Variants in NUP205 observed in about 807,000 individuals in gnomAD.
NUP205 encodes nucleoporin 205.
Under a neutral mutation model 253.8 loss-of-function variants are expected in NUP205, and 76 were observed. The observed-to-expected ratio is 0.30, with a 90% CI of 0.25 to 0.36. NUP205 has a LOEUF of 0.36. Ranked by LOEUF, NUP205 falls within the 10% of genes least tolerant of loss-of-function variation. The pLI, the probability that NUP205 is intolerant of heterozygous loss-of-function variation, is 1.00. For missense variants in NUP205, 2,162 were observed against 2,425.5 expected, an observed-to-expected ratio of 0.89 and a Z score of 2.28; for synonymous variants, 832 against 850.1, an observed-to-expected ratio of 0.98 and a Z score of 0.37.
At chr7:135,614,980 G>C (rs780812708) in intron 23 of NUP205, among the ~76,000 whole-genome samples, 19 of 152,058 alleles carry the variant, frequency 1.2e-4, no homozygotes, top group Non-Finnish European at 2.5e-4. Flanking sequence ...GAGTAATGGC[G>C]TTAGACCTCT....
intron 1 of NUP205, among the ~76,000 whole-genome samples, chr7:135,566,551 T>C (rs1421486973): frequency 6.6e-6 from 1 of 152,192 alleles, no homozygotes; most frequent in African/African-American, 2.4e-5. Flanking sequence ...GGGAATTGGA[T>C]GATCTGTCTA....
At chr7:135,618,363 T>G in intron 27 of NUP205, 49 bp from the exon 28 acceptor site, 1 of 1,472,004 alleles carries the variant, frequency 6.8e-7, no homozygotes, top group East Asian at 2.3e-5. Flanking sequence ...GACAGATAAC[T>G]GATCTTATTT....
intron 24 of NUP205, among the ~76,000 whole-genome samples, chr7:135,616,327 C>T (rs949374455): frequency 6.6e-6 from 1 of 152,110 alleles, no homozygotes; most frequent in African/African-American, 2.4e-5. Flanking sequence ...CCAGCATGAC[C>T]TAAGCTATTT....
chr7:135,596,917 A>G (rs1444059721), intron 13 of NUP205, among the ~76,000 whole-genome samples: 3 of 150,918 alleles, frequency 2.0e-5, no homozygotes, highest in Admixed American at 6.6e-5. Flanking sequence ...AGATCATGCC[A>G]CTGTACTCCA....
chr7:135,596,319 A>G (rs1793834315), intron 13 of NUP205, among the ~76,000 whole-genome samples: 1 of 152,222 alleles, frequency 6.6e-6, no homozygotes, highest in South Asian at 2.1e-4. Context: ...CTTTGTTAAC[A>G]TAATAATTAA....
intron 1 of NUP205, among the ~76,000 whole-genome samples, chr7:135,558,736 G>GA (rs1192204492): frequency 6.6e-6 from 1 of 152,178 alleles, no homozygotes. Context: ...CAAGGATGCA[G>GA]AAAGTCCTTC....
intron 1 of NUP205, among the ~76,000 whole-genome samples, chr7:135,564,477 C>T (rs1017029218): frequency 6.6e-6 from 1 of 151,758 alleles, no homozygotes; most frequent in Non-Finnish European, 1.5e-5. Context: ...TCTTGAACTC[C>T]TGACCTTGTG....
Position 135,626,329 on chromosome 7 carries a change from C to G in NUP205, c.4761C>G (p.Val1587=). The G allele has an allele frequency of 6.2e-7, 1 of 1,614,106 alleles. No homozygotes were observed. Among genetic ancestry groups the G allele is most frequent in the Non-Finnish European group, 8.5e-7 (1 of 1,180,002 alleles). Residue 1587 remains valine, a synonymous_variant, in exon 33 of 43, where the codon GTC becomes GTG. Coordinates refer to ENST00000285968, the MANE Select transcript of NUP205 (RefSeq NM_015135.3). ...TTGTGAGACTAGCTCAATGCCAAGT[C>G]TATGACATGCGCCCAGAAACGGACC... ...GVIVRLAQCQ[V]YDMRPETDPQ... is the part of the protein sequence containing the mutation.
Position 135,603,124 on chromosome 7 carries a change from T to C in NUP205, c.2702+130T>C, listed in dbSNP as rs1584666028. 1.4e-5 allele frequency: 9 copies of C among 633,262 alleles called. 1 individual carries two copies. The East Asian group carries it at 2.5e-4, about 18-fold the overall frequency. The allele number at this position is 633,262 out of a possible 1,614,324, so 39.2% of individuals were successfully genotyped here. On this transcript the variant is annotated intron_variant, in intron 18 of 42. Coordinates refer to ENST00000285968, the MANE Select transcript of NUP205 (RefSeq NM_015135.3). ...TTGCCTCATTTTACTTTTTTTTTTT[T>C]TTTTTTTTTGAGATGGAGTCTCGCT...
chr7:135,577,771 C>T lies in NUP205; in HGVS notation c.649-25C>T, dbSNP rs761916643. The T allele has an allele frequency of 4.6e-6, 7 of 1,534,504 alleles. No individual in the cohort carries two copies. In the African/African-American group the frequency reaches 9.5e-5, roughly 21 times the overall value. ...CAGGCTTCACTGTAATTTATTTATA[C>T]TGATAGTCATGTTTTTATTTCTAGG... On this transcript the variant is annotated intron_variant, in intron 5 of 42. Transcript: ENST00000285968.
At chr7:135,586,444 AT>A (rs2129490105) in intron 8 of NUP205, among the ~76,000 whole-genome samples, 1 of 152,038 alleles carries the variant, frequency 6.6e-6, no homozygotes, top group South Asian at 2.1e-4. Flanking sequence ...TATTATGTTT[AT>A]TATTTTCTTC....
At chr7:135,570,904 A>G (rs1584639210) in intron 1 of NUP205, among the ~76,000 whole-genome samples, 1 of 125,438 alleles carries the variant, frequency 8.0e-6, no homozygotes, top group African/African-American at 3.0e-5. Context: ...ATATATTTAT[A>G]TATAATATAT....
chr7:135,570,435 A>C (rs996774951), intron 1 of NUP205, among the ~76,000 whole-genome samples: 37 of 151,510 alleles, frequency 2.4e-4, no homozygotes, highest in African/African-American at 8.5e-4. Context: ...GGTTGGTCTC[A>C]AACTCCTGAC....
rs1491577075 is a variant in NUP205 at position 135,570,871 on chromosome 7, A to ATATATGTAATATATTATATATTATATATT, written c.29-228_29-200dup. Among the ~76,000 whole-genome samples the ATATATGTAATATATTATATATTATATATT allele has an allele frequency of 0.086, 8,783 of 102,606 alleles. 1,222 individuals carry two copies. The highest frequency in any genetic ancestry group is 0.16 in the East Asian group (657 of 4,060). The allele number at this position is 102,606 out of a possible 152,430, so 67.3% of individuals were successfully genotyped here. A position where few individuals can be genotyped will look rare whatever the true frequency, so the allele number is the denominator to read the frequency against. On this transcript the variant is annotated intron_variant, in intron 1 of 42. Transcript: ENST00000285968. ...TACATATATTATATATAAATATAAA[A>ATATATGTAATATATTATATATTATATATT]TATATGTAATATATTATATATTATA... is the stretch of plus-strand genomic sequence containing the variant.
intron 30 of NUP205, among the ~76,000 whole-genome samples, chr7:135,621,336 G>T (rs188204711): frequency 6.6e-6 from 1 of 151,230 alleles, no homozygotes; most frequent in African/African-American, 2.4e-5. Context: ...TAAGAAAAGA[G>T]ATAGTAATGG....
rs747290304 is a variant in NUP205, at chr7:135,592,984, T to C, written c.1625-3T>C. 2 of 1,601,944 alleles carry C rather than the reference T, an allele frequency of 1.2e-6. No homozygotes were observed. Among genetic ancestry groups the C allele is most frequent in the Admixed American group, 1.7e-5 (1 of 59,876 alleles). ...TAAAATTCTGTGCTGTTTTTCTTTA[T>C]AGTTGAAAATATTCAGGGAGCAGGT... is the stretch of plus-strand genomic sequence containing the variant. On this transcript the variant is annotated splice_polypyrimidine_tract_variant and splice_region_variant and intron_variant, in intron 11 of 42. Coordinates refer to ENST00000285968, the MANE Select transcript of NUP205 (RefSeq NM_015135.3).
rs563642961 is a variant in NUP205 at position 135,563,154 on chromosome 7, A to T, written c.28+5182A>T. ...GCTACCTCTCCTTCATATCCTTCAT[A>T]TCCTGACCACAGTTGGATTTTATTT... is the stretch of plus-strand genomic sequence containing the variant. On this transcript the variant is annotated intron_variant, in intron 1 of 42. Coordinates refer to ENST00000285968, the MANE Select transcript of NUP205 (RefSeq NM_015135.3). 1.6e-4 allele frequency among the ~76,000 whole-genome samples: 25 copies of T among 151,930 alleles called. 1 individual carries two copies. In the South Asian group the frequency reaches 4.6e-3, roughly 28 times the overall value.
chr7:135,636,618 C>T (rs984326851), intron 36 of NUP205, among the ~76,000 whole-genome samples: 11 of 152,042 alleles, frequency 7.2e-5, no homozygotes, highest in African/African-American at 1.9e-4. Flanking sequence ...CTGTAAGAAG[C>T]GGCAAACACA....
intron 20 of NUP205, 24 bp downstream of exon 20, chr7:135,606,250 A>G: frequency 1.4e-6 from 2 of 1,425,114 alleles, no homozygotes; most frequent in Non-Finnish European, 2.0e-6. Flanking sequence ...TAATGTGCAT[A>G]CACGCATTCT....
Sources: allele counts gnomAD v4.1 joint callset (sites outside exome capture counted in the v4.1 genomes callset), GRCh38; gene constraint gnomAD v4.1.1; transcripts MANE v1.5; gene names NCBI Gene and HGNC (gene_info 2026-07-23, HGNC 2026-07-21).